Variants in ULK4 observed in about 807,000 individuals in gnomAD.
ULK4 encodes the protein inactive serine/threonine-protein kinase ULK4.
ULK4 carries 133 observed loss-of-function variants against 160.6 expected under a neutral mutation model. The observed-to-expected ratio is 0.83, with a 90% confidence interval of 0.72 to 0.96. The LOEUF is 0.96. Among genes scored for constraint, ULK4 ranks in the 40% least tolerant of loss-of-function variants. ULK4 has a pLI of 0.00. For missense variants in ULK4, 1,580 were observed against 1,499.5 expected (o/e 1.05, Z -0.89); for synonymous variants, 534 against 539.8 (o/e 0.99, Z 0.15).
intron 16 of ULK4, among the ~76,000 whole-genome samples, chr3:41,886,481 A>G (rs1427263547): frequency 6.6e-6 from 1 of 152,240 alleles, no homozygotes; most frequent in Non-Finnish European, 1.5e-5. Context: ...CAGGATTTCC[A>G]ATGTAAATCT....
chr3:41,734,526 G>T (rs2125870226), intron 22 of ULK4, among the ~76,000 whole-genome samples: 1 of 152,282 alleles, frequency 6.6e-6, no homozygotes, highest in Admixed American at 6.5e-5. Context: ...CACATAGGTA[G>T]TGTTTGAAGC....
intron 29 of ULK4, among the ~76,000 whole-genome samples, 200 bp downstream of exon 29, chr3:41,681,308 A>G (rs956325308): frequency 6.6e-6 from 1 of 152,210 alleles, no homozygotes; most frequent in African/African-American, 2.4e-5. Context: ...GATGTCCTCA[A>G]AGATGAACTG....
chr3:41,416,636 A>C (rs533593098), intron 34 of ULK4, among the ~76,000 whole-genome samples: 22 of 152,334 alleles, frequency 1.4e-4, no homozygotes, highest in African/African-American at 5.0e-4. Flanking sequence ...GCTGGCAGGA[A>C]AAAGAAAAGG....
At chr3:41,859,548 G>A in intron 17 of ULK4, 1 of 542,408 alleles carries the variant, frequency 1.8e-6, no homozygotes. Flanking sequence ...CGAAGCCCCA[G>A]AACATGCTCA....
intron 34 of ULK4, among the ~76,000 whole-genome samples, chr3:41,451,052 G>C (rs989739426): frequency 6.6e-6 from 1 of 152,054 alleles, no homozygotes; most frequent in African/African-American, 2.4e-5. Context: ...CTGAACACTG[G>C]GTGGCATCAC....
At chr3:41,737,410 A>C (rs1322572309) in intron 22 of ULK4, among the ~76,000 whole-genome samples, 6 of 151,964 alleles carry the variant, frequency 3.9e-5, no homozygotes, top group African/African-American at 1.5e-4. Flanking sequence ...GGGTAGGAAG[A>C]ATCAATATCA....
intron 22 of ULK4, among the ~76,000 whole-genome samples, chr3:41,727,123 T>C (rs1358504846): frequency 6.6e-6 from 1 of 152,156 alleles, no homozygotes; most frequent in Non-Finnish European, 1.5e-5. Flanking sequence ...CACATCCACC[T>C]TTACGTAACT....
At chr3:41,811,568 T>G (rs2040820987) in intron 19 of ULK4, among the ~76,000 whole-genome samples, 1 of 152,256 alleles carries the variant, frequency 6.6e-6, no homozygotes, top group Non-Finnish European at 1.5e-5. Flanking sequence ...TATTGATACG[T>G]AGATCTCTGC....
intron 17 of ULK4, among the ~76,000 whole-genome samples, chr3:41,860,010 A>G (rs1356849282): frequency 1.3e-5 from 2 of 151,882 alleles, no homozygotes; most frequent in Admixed American, 6.6e-5. Flanking sequence ...ACTATTCAGG[A>G]GCATATTGTT....
intron 34 of ULK4, among the ~76,000 whole-genome samples, chr3:41,446,301 T>C (rs1411538959): frequency 1.3e-5 from 2 of 152,134 alleles, no homozygotes; most frequent in African/African-American, 4.8e-5. Flanking sequence ...GTTCAACCAT[T>C]GTGGAAGTCA....
intron 29 of ULK4, among the ~76,000 whole-genome samples, chr3:41,677,881 C>T (rs1190324055): frequency 1.3e-5 from 2 of 152,060 alleles, no homozygotes; most frequent in East Asian, 1.9e-4. Context: ...CTGAGGGAAG[C>T]AAATGGTCCT....
chr3:41,843,106 G>T (rs1188850185), intron 17 of ULK4, among the ~76,000 whole-genome samples: 1 of 152,060 alleles, frequency 6.6e-6, no homozygotes, highest in Non-Finnish European at 1.5e-5. Context: ...ACGTCTTCAG[G>T]ATCTAGTACT....
chr3:41,441,057 T>A (rs2083155954), intron 34 of ULK4, among the ~76,000 whole-genome samples: 1 of 151,992 alleles, frequency 6.6e-6, no homozygotes, highest in African/African-American at 2.4e-5. Flanking sequence ...TGGCAATGGG[T>A]TTATCAATTT....
intron 30 of ULK4, among the ~76,000 whole-genome samples, chr3:41,659,691 G>C (rs865917420): frequency 1.3e-5 from 2 of 151,198 alleles, no homozygotes; most frequent in Middle Eastern, 3.2e-3. Flanking sequence ...AAAAAGTTCA[G>C]TGTATTTCTC....
At chr3:41,453,024 C>T (rs749300297) in intron 34 of ULK4, among the ~76,000 whole-genome samples, 1 of 152,048 alleles carries the variant, frequency 6.6e-6, no homozygotes, top group African/African-American at 2.4e-5. Flanking sequence ...TATTTTTATC[C>T]TTTGTAAGCT....
chr3:41,369,854 G>GAAAACAAT (rs1206613449), intron 35 of ULK4, among the ~76,000 whole-genome samples: 1 of 150,182 alleles, frequency 6.7e-6, no homozygotes, highest in Non-Finnish European at 1.5e-5. Context: ...ACAACAGTCA[G>GAAAACAAT]AAAACAATAC....
intron 35 of ULK4, among the ~76,000 whole-genome samples, chr3:41,298,658 C>G (rs918575520): frequency 6.6e-6 from 1 of 152,008 alleles, no homozygotes; most frequent in African/African-American, 2.4e-5. Context: ...AAGTGATAAC[C>G]CTGGGAAGGT....
chr3:41,466,698 T>G (rs1454426997), intron 32 of ULK4, among the ~76,000 whole-genome samples: 3 of 152,118 alleles, frequency 2.0e-5, no homozygotes, highest in Admixed American at 6.6e-5. Context: ...AAAGATATTA[T>G]TAAAAAATAA....
chr3:41,789,376 CATAAGAAATGCCAG>C (rs1189368314), intron 21 of ULK4, among the ~76,000 whole-genome samples: 4 of 152,100 alleles, frequency 2.6e-5, no homozygotes, highest in African/African-American at 9.7e-5. Flanking sequence ...GTTGGTGAGG[CATAAGAAATGCCAG>C]CATATAGGAA....
Sources: allele counts gnomAD v4.1 joint callset (sites outside exome capture counted in the v4.1 genomes callset), GRCh38; gene constraint gnomAD v4.1.1; transcripts MANE v1.5; gene names NCBI Gene and HGNC (gene_info 2026-07-23, HGNC 2026-07-21).